BRCA1: variants seen among roughly 807,000 people sequenced by gnomAD.
BRCA1 encodes BRCA1 DNA repair associated.
BRCA1 carries 140 observed loss-of-function variants against 173.7 expected under a neutral mutation model. The ratio of observed to expected loss-of-function variants is 0.81; its 90% CI spans 0.70 to 0.93. The LOEUF (loss-of-function observed/expected upper bound fraction) is 0.93, where lower values mean the gene tolerates loss of function less well. Ranked by LOEUF, BRCA1 falls within the 40% of genes least tolerant of loss-of-function variation. The probability of loss-of-function intolerance (pLI) is 0.00; values close to 1 mark genes in which losing one functional copy is unlikely to be tolerated. For synonymous variants in BRCA1, 662 were observed against 756.0 expected (o/e 0.88, Z 2.04); for missense variants, 1,983 against 2,172.5 (o/e 0.91, Z 1.73).
At chr17:43,050,780 A>G (rs1212004485) in intron 20 of BRCA1, among the ~76,000 whole-genome samples, 6 of 152,168 alleles carry the variant, frequency 3.9e-5, no homozygotes, top group Non-Finnish European at 1.5e-5. Context: ...TCTCACTAAC[A>G]TGTTGGCACT....
intron 14 of BRCA1, among the ~76,000 whole-genome samples, chr17:43,071,880 C>CAT (rs1567776097): frequency 2.7e-5 from 4 of 149,636 alleles, no homozygotes. Context: ...TGGTGGCGGG[C>CAT]GCCTGTAGTC....
At chr17:43,051,787 C>T (rs1384917731) in intron 19 of BRCA1, among the ~76,000 whole-genome samples, 1 of 152,070 alleles carries the variant, frequency 6.6e-6, no homozygotes, top group East Asian at 1.9e-4. Flanking sequence ...CAGGCGCGCA[C>T]CACCACGCCC....
chr17:43,122,266 TA>T (rs2055612686), intron 2 of BRCA1, among the ~76,000 whole-genome samples: 1 of 152,202 alleles, frequency 6.6e-6, no homozygotes, highest in Non-Finnish European at 1.5e-5. Flanking sequence ...CTTTTCAACT[TA>T]TTTTTTGAAT....
chr17:43,067,753 T>C, intron 15 of BRCA1, 58 bp from the exon 16 acceptor site: 2 of 1,341,160 alleles, frequency 1.5e-6, no homozygotes, highest in Admixed American at 3.4e-5. Flanking sequence ...CAGCTCAGAA[T>C]ACTAGTTATT....
upstream of BRCA1, among the ~76,000 whole-genome samples, chr17:43,129,476 T>A (rs1446345186): frequency 5.3e-5 from 8 of 152,154 alleles, no homozygotes; most frequent in Admixed American, 5.2e-4. Context: ...TTCTTTTTTT[T>A]CTTTTTTTTT....
chr17:43,100,680 T>TA (rs1234409971), intron 6 of BRCA1, among the ~76,000 whole-genome samples: 813 of 11,046 alleles, frequency 0.074, 84 homozygotes, highest in African/African-American at 0.16. Context: ...ATATATATAA[T>TA]ATATATATAT....
Position 43,049,107 on chromosome 17 carries a change from C to T in BRCA1, c.5406+14G>A, listed in dbSNP as rs1208169773. 1 of 1,612,166 alleles carries T rather than the reference C, an allele frequency of 6.2e-7. No homozygotes were observed. The highest frequency in any genetic ancestry group is 8.5e-7 in the Non-Finnish European group (1 of 1,178,292). ...ATTGTGTCCTCCCTCTCTGACAGGG[C>T]ACCCAATACTTACTGTGCCAAGGGT... On this transcript the variant is annotated intron_variant, in intron 21 of 22. Transcript: ENST00000357654.
At chr17:43,138,635 C>G (rs545053625) in intron 1 of BRCA1, 3 of 771,230 alleles carry the variant, frequency 3.9e-6, no homozygotes, top group African/African-American at 3.4e-5. Context: ...TCATGACATT[C>G]ATTTCACCCC....
chr17:43,051,720 T>G (rs1198977176), intron 19 of BRCA1, among the ~76,000 whole-genome samples: 1 of 151,338 alleles, frequency 6.6e-6, no homozygotes, highest in Non-Finnish European at 1.5e-5. Flanking sequence ...CACTGCAACC[T>G]CTGCCTCCAG....
At chr17:43,116,610 CCAAGTT>C (rs796069013) in intron 2 of BRCA1, among the ~76,000 whole-genome samples, 30 of 152,206 alleles carry the variant, frequency 2.0e-4, no homozygotes, top group African/African-American at 7.2e-4. Flanking sequence ...CCTCTGCCTC[CCAAGTT>C]CAAGTGATTC....
chr17:43,069,880 A>G (rs539425640), intron 15 of BRCA1, among the ~76,000 whole-genome samples: 1 of 152,316 alleles, frequency 6.6e-6, no homozygotes, highest in African/African-American at 2.4e-5. Context: ...TACTGAATCC[A>G]TTTGATAATC....
intron 18 of BRCA1, among the ~76,000 whole-genome samples, chr17:43,059,126 G>GCA (rs2051635151): frequency 6.6e-6 from 1 of 152,104 alleles, no homozygotes; most frequent in Admixed American, 6.6e-5. Flanking sequence ...GTGTCCAACT[G>GCA]CCTACTTAAC....
At chr17:43,063,495 C>T (rs963889320) in intron 17 of BRCA1, 122 bp from the exon 18 acceptor site, 12 of 811,180 alleles carry the variant, frequency 1.5e-5, no homozygotes, top group South Asian at 1.3e-4. Flanking sequence ...AGGTCCTTCC[C>T]TCTAAAGCCA....
chr17:43,069,983 G>T (rs2052313768), intron 15 of BRCA1, among the ~76,000 whole-genome samples: 1 of 152,134 alleles, frequency 6.6e-6, no homozygotes, highest in African/African-American at 2.4e-5. Context: ...GCCCAGGCTG[G>T]AGTGCAATGG....
At chr17:43,058,064 G>C (rs991566531) in intron 18 of BRCA1, among the ~76,000 whole-genome samples, 1 of 143,856 alleles carries the variant, frequency 7.0e-6, no homozygotes, top group Admixed American at 7.0e-5. Flanking sequence ...ATTCAGAATT[G>C]CCAGGCAGGC....
intron 1 of BRCA1, among the ~76,000 whole-genome samples, chr17:43,155,110 G>A (rs2056188465): frequency 1.3e-5 from 2 of 152,152 alleles, no homozygotes; most frequent in African/African-American, 4.8e-5. Flanking sequence ...CAGAGAGGTA[G>A]CTGGTAACTT....
chr17:43,123,932 C>A, intron 2 of BRCA1, 85 bp downstream of exon 2: 1 of 1,070,238 alleles, frequency 9.3e-7, no homozygotes. Flanking sequence ...GTCTTTTCTT[C>A]CCTAGTATGT....
At chr17:43,100,667 T>TTATATATATAACATATATATAAC (rs2054402836) in intron 6 of BRCA1, among the ~76,000 whole-genome samples, 1 of 34,248 alleles carries the variant, frequency 2.9e-5, no homozygotes, top group African/African-American at 2.2e-4. Flanking sequence ...CATATATATA[T>TTATATATATAACATATATATAAC]ATATATATAT....
intron 11 of BRCA1, among the ~76,000 whole-genome samples, chr17:43,088,270 C>G (rs1327488467): frequency 2.0e-5 from 3 of 152,118 alleles, no homozygotes; most frequent in Non-Finnish European, 4.4e-5. Flanking sequence ...TTTTCATCAT[C>G]CCAAACTGAA....
Sources: gnomAD v4.1 joint callset for allele counts (sites outside exome capture counted in the v4.1 genomes callset) on GRCh38, gnomAD v4.1.1 for gene constraint, MANE v1.5 for transcripts, NCBI Gene and HGNC (gene_info 2026-07-23, HGNC 2026-07-21) for gene names.